COLEC12: variants seen among roughly 807,000 people sequenced by gnomAD.
COLEC12 encodes collectin subfamily member 12.
In COLEC12, 33 loss-of-function variants were observed where a neutral mutation model predicts 71.1. The observed-to-expected ratio is 0.46, with a 90% CI of 0.35 to 0.62. The LOEUF is 0.62. Ranked by LOEUF, COLEC12 falls within the 20% of genes least tolerant of loss-of-function variation. The pLI is 0.00. For synonymous variants in COLEC12, 350 were observed against 353.0 expected, an observed-to-expected ratio of 0.99 and a Z score of 0.10; for missense variants, 765 against 916.1, an observed-to-expected ratio of 0.84 and a Z score of 2.13.
intron 5 of COLEC12, among the ~76,000 whole-genome samples, chr18:342,107 G>C (rs1363635972): frequency 2.0e-5 from 3 of 152,054 alleles, no homozygotes; most frequent in African/African-American, 4.8e-5. Flanking sequence ...GCCCAGGCTA[G>C]AGTGCAATGG....
intron 2 of COLEC12, among the ~76,000 whole-genome samples, chr18:386,310 GACTGGAAGACTAAAACGTGGTC>G (rs1915344823): frequency 6.6e-6 from 1 of 152,190 alleles, no homozygotes; most frequent in African/African-American, 2.4e-5. Context: ...AGGCAGGGGT[GACTGGAAGACTAAAACGTGGTC>G]ACTGCCATCT....
chr18:403,536 A>G (rs1332010084), intron 2 of COLEC12, among the ~76,000 whole-genome samples: 4 of 152,154 alleles, frequency 2.6e-5, no homozygotes, highest in Non-Finnish European at 1.5e-5. Flanking sequence ...CGTGTGAGAC[A>G]ACGTGTGTTT....
intron 2 of COLEC12, among the ~76,000 whole-genome samples, chr18:431,497 A>G (rs1189033778): frequency 6.6e-6 from 1 of 152,208 alleles, no homozygotes; most frequent in East Asian, 1.9e-4. Context: ...TGAATGAATA[A>G]CCTATAGACT....
chr18:335,845 C>T (rs577718120), intron 5 of COLEC12, among the ~76,000 whole-genome samples: 1 of 152,270 alleles, frequency 6.6e-6, no homozygotes, highest in Admixed American at 6.5e-5. Context: ...CAGTGCACAA[C>T]GTTTTAGTGC....
chr18:392,220 C>T (rs1915477055), intron 2 of COLEC12, among the ~76,000 whole-genome samples: 2 of 152,222 alleles, frequency 1.3e-5, no homozygotes, highest in South Asian at 2.1e-4. Context: ...ACTTGTGCTA[C>T]TGTAGCTTGG....
intron 2 of COLEC12, among the ~76,000 whole-genome samples, chr18:478,937 C>T (rs1022292768): frequency 2.3e-5 from 3 of 128,062 alleles, no homozygotes; most frequent in African/African-American, 1.0e-4. Flanking sequence ...TGTTTTTCAC[C>T]AAATCCCCAA....
At chr18:419,874 G>C (rs191801176) in intron 2 of COLEC12, among the ~76,000 whole-genome samples, 1 of 152,170 alleles carries the variant, frequency 6.6e-6, no homozygotes, top group Non-Finnish European at 1.5e-5. Flanking sequence ...AAAGAATGCC[G>C]TGCCAATTTC....
At chr18:481,049 A>G (rs796409789) in intron 1 of COLEC12, among the ~76,000 whole-genome samples, 30 of 152,222 alleles carry the variant, frequency 2.0e-4, no homozygotes, top group African/African-American at 6.7e-4. Context: ...CTGCCACGCT[A>G]CACTAATTCA....
chr18:330,482 T>C (rs937379690), intron 8 of COLEC12, among the ~76,000 whole-genome samples: 8 of 143,452 alleles, frequency 5.6e-5, no homozygotes, highest in Non-Finnish European at 9.2e-5. Context: ...TAAAGGTTAC[T>C]CAGAGGGTTT....
chr18:454,094 T>C (rs899612402), intron 2 of COLEC12, among the ~76,000 whole-genome samples: 2 of 152,230 alleles, frequency 1.3e-5, no homozygotes, highest in Non-Finnish European at 2.9e-5. Flanking sequence ...TTGAGCCCTC[T>C]GAAGGCTTTC....
intron 1 of COLEC12, among the ~76,000 whole-genome samples, chr18:494,683 C>T (rs1917678089): frequency 6.6e-6 from 1 of 152,148 alleles, no homozygotes; most frequent in South Asian, 2.1e-4. Context: ...GACTGTTTTG[C>T]CTTTGAATAA....
At chr18:342,992 T>A (rs2051250) in intron 5 of COLEC12, among the ~76,000 whole-genome samples, 38,481 of 152,130 alleles carry the variant, frequency 0.25, 4,929 homozygotes, top group Admixed American at 0.31. Flanking sequence ...TGTATCACCA[T>A]CCACCTCACT....
intron 2 of COLEC12, among the ~76,000 whole-genome samples, chr18:440,378 T>TAC (rs142637035): frequency 0.047 from 5,667 of 121,372 alleles, 184 homozygotes; most frequent in African/African-American, 0.1. Flanking sequence ...CACACACACA[T>TAC]ACACACACAC....
chr18:498,962 C>T (rs1390674624), intron 1 of COLEC12, among the ~76,000 whole-genome samples: 1 of 152,152 alleles, frequency 6.6e-6, no homozygotes, highest in Non-Finnish European at 1.5e-5. Context: ...GTTTAAGAAC[C>T]CACGTGGGAG....
chr18:445,966 C>A (rs1032838004), intron 2 of COLEC12, among the ~76,000 whole-genome samples: 1 of 152,124 alleles, frequency 6.6e-6, no homozygotes, highest in African/African-American at 2.4e-5. Context: ...TTTGCCTGTT[C>A]TGAACACTTC....
At chr18:329,768 A>G (rs1317783779) in intron 8 of COLEC12, among the ~76,000 whole-genome samples, 1 of 151,666 alleles carries the variant, frequency 6.6e-6, no homozygotes, top group Non-Finnish European at 1.5e-5. Flanking sequence ...ATTTCGCCAC[A>G]TGTTTATTTT....
rs1555611774 is a variant in COLEC12 at position 319,341 on chromosome 18, AATATAT to A, written c.*698_*703del. The A allele has an allele frequency of 1.5e-5, 1 of 67,196 alleles. No individual in the cohort carries two copies. The highest frequency in any genetic ancestry group is 3.1e-5 in the Non-Finnish European group (1 of 32,486). The allele number at this position is 67,196 out of a possible 1,614,324, so 4.2% of individuals were successfully genotyped here. A position where few individuals can be genotyped will look rare whatever the true frequency, so the allele number is the denominator to read the frequency against. The stretch of plus-strand genomic sequence containing the variant: ...AACATTAAAAAAAAAAAAAAAAAAA[AATATAT>A]ATATATATATATATATACACATGTA... On this transcript the variant is annotated 3_prime_UTR_variant, in exon 10 of 10. Coordinates refer to ENST00000400256, the MANE Select transcript of COLEC12 (RefSeq NM_130386.3).
chr18:418,249 C>G (rs1160869363), intron 2 of COLEC12, among the ~76,000 whole-genome samples: 2 of 152,142 alleles, frequency 1.3e-5, no homozygotes, highest in African/African-American at 4.8e-5. Context: ...AGTTTAAGAG[C>G]CACATAAACA....
chr18:349,089 C>A (rs1914449364), intron 3 of COLEC12, among the ~76,000 whole-genome samples: 1 of 152,218 alleles, frequency 6.6e-6, no homozygotes, highest in African/African-American at 2.4e-5. Flanking sequence ...AATGTTAACC[C>A]CCAAGACAAT....
Sources: allele counts gnomAD v4.1 joint callset (sites outside exome capture counted in the v4.1 genomes callset), GRCh38; gene constraint gnomAD v4.1.1; transcripts MANE v1.5; gene names NCBI Gene and HGNC (gene_info 2026-07-23, HGNC 2026-07-21).